Variants in ARFGEF1 observed in about 807,000 individuals in gnomAD.
The protein encoded by ARFGEF1 is ARF guanine nucleotide exchange factor 1.
ARFGEF1 carries 42 observed loss-of-function variants against 231.0 expected under a neutral mutation model. That is an observed-to-expected ratio of 0.18 (90% confidence interval 0.14 to 0.24). ARFGEF1 has a LOEUF of 0.24. ARFGEF1 is among the 10% of genes least tolerant of loss of function. The pLI is 1.00. For synonymous variants in ARFGEF1, 710 were observed against 732.3 expected (o/e 0.97, Z 0.49); for missense variants, 1,345 against 2,192.0 (o/e 0.61, Z 7.72).
In ARFGEF1 at chr8:67,343,342, G is replaced by T; in HGVS notation, c.-55C>A. 2 of 1,602,676 alleles carry T rather than the reference G, an allele frequency of 1.2e-6. No individual in the cohort carries two copies. The highest frequency in any genetic ancestry group is 1.3e-5 in the African/African-American group (1 of 74,648). On this transcript the variant is annotated 5_prime_UTR_variant, in exon 1 of 39. Coordinates refer to ENST00000262215, the MANE Select transcript of ARFGEF1 (RefSeq NM_006421.5). ...CGACCCGCGGCTCCCAGCGGCTGGA[G>T]GGGAGGAGGAGGAGAGGAAGGAAGA...
chr8:67,285,571 T>C (rs144296472), intron 7 of ARFGEF1, among the ~76,000 whole-genome samples: 30 of 152,054 alleles, frequency 2.0e-4, no homozygotes, highest in African/African-American at 6.0e-4. Flanking sequence ...CATCTCCAAG[T>C]ATCAAAGTAT....
intron 9 of ARFGEF1, 134 bp downstream of exon 9, chr8:67,275,842 T>C: frequency 9.7e-7 from 1 of 1,030,912 alleles, no homozygotes; most frequent in Non-Finnish European, 1.4e-6. Context: ...AAACGTAAAA[T>C]ACCTCCCCTC....
intron 1 of ARFGEF1, among the ~76,000 whole-genome samples, chr8:67,322,330 T>C (rs1587316755): frequency 6.6e-6 from 1 of 152,388 alleles, no homozygotes; most frequent in East Asian, 1.9e-4. Flanking sequence ...TAGCTAATGA[T>C]GCTCCTTCTT....
At chr8:67,187,830 C>G (rs902225484) in intron 5 of ARFGEF1, among the ~76,000 whole-genome samples, 1 of 152,172 alleles carries the variant, frequency 6.6e-6, no homozygotes, top group East Asian at 1.9e-4. Context: ...AACAGGACAT[C>G]TGCATGTGAA....
In ARFGEF1 at chr8:67,292,846, T is replaced by C. The variant is rs572650514; in HGVS notation, c.640-723A>G. ...GTCCTCAAGACCTGATAAGAATGAGTCTCACAGAATTAATTTCCACCAAGA... is the reference window on the plus strand; with the variant it reads ...GTCCTCAAGACCTGATAAGAATGAGCCTCACAGAATTAATTTCCACCAAGA... On this transcript the variant is annotated intron_variant, in intron 5 of 38. Coordinates refer to ENST00000262215, the MANE Select transcript of ARFGEF1 (RefSeq NM_006421.5). Among the ~76,000 whole-genome samples, 14 of 152,214 alleles carry C rather than the reference T, an allele frequency of 9.2e-5. No individual in the cohort carries two copies. In the South Asian group the frequency reaches 2.9e-3, roughly 32 times the overall value.
At chr8:67,226,835 T>C (rs1049705979) in intron 27 of ARFGEF1, among the ~76,000 whole-genome samples, 1 of 152,112 alleles carries the variant, frequency 6.6e-6, no homozygotes, top group Non-Finnish European at 1.5e-5. Context: ...TTACATAGAC[T>C]GCTTAACCTT....
chr8:67,301,527 C>G, intron 2 of ARFGEF1, 147 bp from the exon 3 acceptor site: 1 of 853,460 alleles, frequency 1.2e-6, no homozygotes, highest in East Asian at 2.9e-5. Flanking sequence ...AAACCCAAGC[C>G]CAGAGAAGTG....
chr8:67,318,776 A>C (rs1178520109), intron 1 of ARFGEF1, among the ~76,000 whole-genome samples: 1 of 152,206 alleles, frequency 6.6e-6, no homozygotes, highest in Non-Finnish European at 1.5e-5. Context: ...GGAATTCAAG[A>C]CCAGCTTGAG....
intron 5 of ARFGEF1, among the ~76,000 whole-genome samples, chr8:67,192,231 C>T (rs903380151): frequency 3.3e-5 from 5 of 151,944 alleles, no homozygotes; most frequent in African/African-American, 1.2e-4. Flanking sequence ...CATGCCAACA[C>T]GCCTGGCTAA....
intron 1 of ARFGEF1, among the ~76,000 whole-genome samples, chr8:67,325,956 TTA>T (rs1807813585): frequency 6.6e-6 from 1 of 152,170 alleles, no homozygotes; most frequent in African/African-American, 2.4e-5. Flanking sequence ...CCCAAAGGGA[TTA>T]CAGGCCGAGG....
At position 67,199,067 on chromosome 8, in the gene ARFGEF1, A is replaced by G; in HGVS notation, c.5417T>C (p.Leu1806Pro). Residue 1806 changes from leucine (L) to proline (P), a missense_variant, in exon 39 of 39, where the codon CTC (leucine) becomes CCC (proline). Leu to Pro is a moderately conservative substitution (Grantham distance 98). Transcript: ENST00000262215. ...FKAHASFYYP[L>P]LCEIMQFDLI... ...GTCAAATTGCATAATTTCACATAAG[A>G]GAGGGTAGTAGAATGATGCATGAGC... The G allele has an allele frequency of 6.2e-7, 1 of 1,611,276 alleles. No individual in the cohort carries two copies. The highest frequency in any genetic ancestry group is 8.5e-7 in the Non-Finnish European group (1 of 1,179,386).
At chr8:67,321,844 A>G (rs955937560) in intron 1 of ARFGEF1, among the ~76,000 whole-genome samples, 1 of 152,148 alleles carries the variant, frequency 6.6e-6, no homozygotes, top group African/African-American at 2.4e-5. Flanking sequence ...ATCTCTCATC[A>G]GGCCTACTGG....
chr8:67,280,227 G>A (rs1805478939), intron 7 of ARFGEF1, among the ~76,000 whole-genome samples: 2 of 152,216 alleles, frequency 1.3e-5, no homozygotes, highest in African/African-American at 4.8e-5. Context: ...GTGCTATGAG[G>A]TAAGAGGGAA....
chr8:67,289,317 A>G (rs545899375), intron 6 of ARFGEF1, among the ~76,000 whole-genome samples: 46 of 152,108 alleles, frequency 3.0e-4, no homozygotes, highest in African/African-American at 1.0e-3. Flanking sequence ...CACTTTGGGA[A>G]GCTGGGTGGG....
downstream of ARFGEF1, chr8:67,196,323 G>A (rs963838861): frequency 6.6e-6 from 1 of 152,144 alleles, no homozygotes; most frequent in Non-Finnish European, 1.5e-5. Context: ...TAGAGGTGGG[G>A]ACACCCGGGA....
intron 1 of ARFGEF1, among the ~76,000 whole-genome samples, chr8:67,339,907 T>C (rs529267303): frequency 6.6e-6 from 1 of 151,254 alleles, no homozygotes; most frequent in African/African-American, 2.4e-5. Flanking sequence ...AAGGTTTATT[T>C]TTCTTTCTGT....
intron 10 of ARFGEF1, among the ~76,000 whole-genome samples, chr8:67,268,515 G>A (rs1804940857): frequency 6.6e-6 from 1 of 152,130 alleles, no homozygotes; most frequent in Non-Finnish European, 1.5e-5. Context: ...ATTGCTCATG[G>A]TTTCAAATAA....
intron 3 of ARFGEF1, among the ~76,000 whole-genome samples, chr8:67,300,291 A>C (rs962186709): frequency 2.6e-5 from 4 of 152,196 alleles, no homozygotes; most frequent in Admixed American, 2.6e-4. Flanking sequence ...TAGCTACTGA[A>C]TTATAGTTGA....
At chr8:67,244,266 A>AAAAAAAAAAAAAACAAAAC (rs1563860748) in intron 19 of ARFGEF1, among the ~76,000 whole-genome samples, 8 of 17,206 alleles carry the variant, frequency 4.6e-4, no homozygotes, top group African/African-American at 2.4e-3. Context: ...AAAAAAAAAA[A>AAAAAAAAAAAAAACAAAAC]AACATTCGAC....
Sources: gnomAD v4.1 joint callset for allele counts (sites outside exome capture counted in the v4.1 genomes callset) on GRCh38, gnomAD v4.1.1 for gene constraint, MANE v1.5 for transcripts, NCBI Gene and HGNC (gene_info 2026-07-23, HGNC 2026-07-21) for gene names.